The following PSEN1 variants were observed in gnomAD, a reference collection of about 807,000 sequenced individuals.
The protein encoded by PSEN1 is presenilin-1.
A neutral mutation model predicts 53.5 loss-of-function variants in PSEN1; 15 were observed. That is an observed-to-expected ratio of 0.28 (90% CI 0.19 to 0.43). The LOEUF is 0.43. Among genes scored for constraint, PSEN1 ranks in the 20% least tolerant of loss-of-function variants. PSEN1 has a pLI of 1.00. For missense variants in PSEN1, 387 were observed against 571.2 expected (o/e 0.68, Z 3.29); for synonymous variants, 208 against 209.8 (o/e 0.99, Z 0.08).
chr14:73,195,934 T>C (rs1898922017), intron 7 of PSEN1, among the ~76,000 whole-genome samples: 1 of 152,228 alleles, frequency 6.6e-6, no homozygotes, highest in Non-Finnish European at 1.5e-5. Flanking sequence ...AACTCTGATC[T>C]CGAATCTGAA....
chr14:73,221,709 A>G lies in PSEN1; in HGVS notation c.*2420A>G, dbSNP rs1900121969. ...AGACTACAGCCCATCTTATTTCTTTAAATCATTCATCTCAGGCAGAGAACT... is the reference window on the plus strand; with the variant it reads ...AGACTACAGCCCATCTTATTTCTTTGAATCATTCATCTCAGGCAGAGAACT... On this transcript the variant is annotated 3_prime_UTR_variant, in exon 12 of 12. Coordinates refer to ENST00000324501, the MANE Select transcript of PSEN1 (RefSeq NM_000021.4). 2 of 152,112 alleles carry G rather than the reference A, an allele frequency of 1.3e-5. No individual in the cohort carries two copies. Among genetic ancestry groups the G allele is most frequent in the Non-Finnish European group, 2.9e-5 (2 of 68,030 alleles). The allele number at this position is 152,112 out of a possible 1,614,324, so 9.4% of individuals were successfully genotyped here.
At chr14:73,184,789 G>C (rs1233593621) in intron 5 of PSEN1, among the ~76,000 whole-genome samples, 5 of 151,440 alleles carry the variant, frequency 3.3e-5, no homozygotes, top group African/African-American at 1.2e-4. Flanking sequence ...GCCGGGCGGA[G>C]ACGCTCCTCA....
chr14:73,138,804 C>CAA (rs76081140), intron 1 of PSEN1, among the ~76,000 whole-genome samples: 42 of 132,376 alleles, frequency 3.2e-4, no homozygotes, highest in South Asian at 1.4e-3. Flanking sequence ...CTAAAAAATA[C>CAA]AAAAAAAAAA....
At chr14:73,136,794 G>A (rs1896755712) in intron 1 of PSEN1, 1 of 152,610 alleles carries the variant, frequency 6.6e-6, no homozygotes, top group Non-Finnish European at 1.5e-5. Context: ...CGGGTGGAGA[G>A]AGATTCCGGG....
chr14:73,185,568 A>G (rs994062966), intron 5 of PSEN1, among the ~76,000 whole-genome samples: 1 of 152,184 alleles, frequency 6.6e-6, no homozygotes, highest in Non-Finnish European at 1.5e-5. Context: ...TCGGCTCAGC[A>G]TGAGAGGGAG....
chr14:73,200,386 C>T (rs1054667028), intron 8 of PSEN1, among the ~76,000 whole-genome samples: 2 of 152,160 alleles, frequency 1.3e-5, no homozygotes, highest in African/African-American at 2.4e-5. Context: ...TCTCCTCTCT[C>T]AGCCTCCCAA....
chr14:73,155,073 T>C (rs568214900), intron 3 of PSEN1, among the ~76,000 whole-genome samples: 3 of 152,376 alleles, frequency 2.0e-5, no homozygotes, highest in Admixed American at 2.0e-4. Context: ...AAGTTTATCC[T>C]ATAAAAATAT....
intron 3 of PSEN1, among the ~76,000 whole-genome samples, chr14:73,166,688 G>A (rs765739473): frequency 2.6e-5 from 4 of 152,142 alleles, no homozygotes; most frequent in East Asian, 1.9e-4. Context: ...TTCTGGTCCC[G>A]TTGGCCTCAC....
At chr14:73,179,627 G>A (rs1437133447) in intron 5 of PSEN1, among the ~76,000 whole-genome samples, 3 of 152,068 alleles carry the variant, frequency 2.0e-5, no homozygotes, top group South Asian at 4.1e-4. Context: ...CAAAAAAAAG[G>A]AAGAAAAACT....
At chr14:73,181,547 C>T (rs927891357) in intron 5 of PSEN1, among the ~76,000 whole-genome samples, 2 of 152,120 alleles carry the variant, frequency 1.3e-5, no homozygotes, top group African/African-American at 2.4e-5. Flanking sequence ...TTGCTTGAGC[C>T]CAGGTTTTCC....
intron 5 of PSEN1, 200 bp downstream of exon 5, chr14:73,173,907 T>C: frequency 1.4e-6 from 1 of 693,518 alleles, no homozygotes; most frequent in Non-Finnish European, 2.5e-6. Context: ...AATGCCAGGC[T>C]CAGAGGCTGA....
Position 73,173,591 on chromosome 14 carries a change from A to T in PSEN1, c.364A>T (p.Thr122Ser). The T allele has an allele frequency of 6.2e-7, 1 of 1,614,132 alleles. No individual in the cohort carries two copies. The highest frequency in any genetic ancestry group is 1.1e-5 in the South Asian group (1 of 91,084). ...QLIYTPFTED[T>S]ETVGQRALHS... ...AATCTATACCCCATTCACAGAAGATACCGAGACTGTGGGCCAGAGAGCCCT... is the reference window on the plus strand; with the variant it reads ...AATCTATACCCCATTCACAGAAGATTCCGAGACTGTGGGCCAGAGAGCCCT... Residue 122 changes from threonine to serine, a missense_variant, in exon 5 of 12, where the codon ACC (threonine) becomes TCC (serine). This residue lies in a region of PSEN1 where 169 missense variants were observed against 299.7 expected (regional missense o/e 0.56). Coordinates refer to ENST00000324501, the MANE Select transcript of PSEN1 (RefSeq NM_000021.4).
chr14:73,189,198 G>A (rs1287855269), intron 6 of PSEN1, among the ~76,000 whole-genome samples: 2 of 152,144 alleles, frequency 1.3e-5, no homozygotes, highest in East Asian at 1.9e-4. Flanking sequence ...TGGAAAAGAA[G>A]GTTAAATTAC....
chr14:73,202,565 C>T lies in PSEN1; in HGVS notation c.869-3821C>T, dbSNP rs562173745. On this transcript the variant is annotated intron_variant, in intron 8 of 11. Coordinates refer to ENST00000324501, the MANE Select transcript of PSEN1 (RefSeq NM_000021.4). ...TCGACTCACTGCAAGCTCCACCTCC[C>T]GGGTTCACGCCATTCTCCTGCCTCA... 4.4e-5 allele frequency among the ~76,000 whole-genome samples: 6 copies of T among 136,294 alleles called. No individual in the cohort carries two copies. The East Asian group carries it at 9.1e-4, about 21-fold the overall frequency. The allele number at this position is 136,294 out of a possible 152,430, so 89.4% of individuals were successfully genotyped here.
At chr14:73,168,605 G>T (rs1172133038) in intron 3 of PSEN1, 1 of 152,264 alleles carries the variant, frequency 6.6e-6, no homozygotes, top group African/African-American at 2.4e-5. Context: ...GCCGGAGATG[G>T]CCTGGCTTCA....
intron 1 of PSEN1, among the ~76,000 whole-genome samples, chr14:73,143,347 A>G (rs1399279900): frequency 6.6e-6 from 1 of 152,212 alleles, no homozygotes; most frequent in Non-Finnish European, 1.5e-5. Flanking sequence ...AGGGAGGCAC[A>G]AGATTTCTCT....
At chr14:73,173,107 A>G (rs1377071490) in intron 4 of PSEN1, among the ~76,000 whole-genome samples, 1 of 152,192 alleles carries the variant, frequency 6.6e-6, no homozygotes, top group East Asian at 1.9e-4. Flanking sequence ...GAAGATGGAT[A>G]TGTGACATTA....
chr14:73,153,714 CTTT>C (rs773862128), intron 3 of PSEN1, among the ~76,000 whole-genome samples: 2 of 130,034 alleles, frequency 1.5e-5, no homozygotes, highest in Non-Finnish European at 3.2e-5. Flanking sequence ...ATTTTCTTTC[CTTT>C]TTTTTTTTTT....
At chr14:73,149,237 T>C (rs1434486296) in intron 3 of PSEN1, among the ~76,000 whole-genome samples, 2 of 151,820 alleles carry the variant, frequency 1.3e-5, no homozygotes, top group Non-Finnish European at 2.9e-5. Flanking sequence ...TAGTCCCAGC[T>C]ACTCAGGAAC....
Sources: allele counts gnomAD v4.1 joint callset (sites outside exome capture counted in the v4.1 genomes callset), GRCh38; gene constraint gnomAD v4.1.1; regional missense constraint gnomAD v4.1.1; transcripts MANE v1.5; gene names NCBI Gene and HGNC (gene_info 2026-07-23, HGNC 2026-07-21).